The following ARID4B variants were observed in gnomAD, a reference collection of about 807,000 sequenced individuals.
ARID4B encodes AT-rich interactive domain-containing protein 4B.
In ARID4B, 26 loss-of-function variants were observed where a neutral mutation model predicts 147.5. That is an observed-to-expected ratio of 0.18 (90% CI 0.13 to 0.24). The LOEUF (loss-of-function observed/expected upper bound fraction) is 0.24. Among genes scored for constraint, ARID4B ranks in the 10% least tolerant of loss-of-function variants. The pLI is 1.00. For synonymous variants in ARID4B, 512 were observed against 507.9 expected (o/e 1.01, Z -0.11); for missense variants, 1,179 against 1,511.5 (o/e 0.78, Z 3.65).
intron 18 of ARID4B, among the ~76,000 whole-genome samples, chr1:235,194,529 T>C (rs1571943341): frequency 6.6e-6 from 1 of 152,066 alleles, no homozygotes; most frequent in East Asian, 1.9e-4. Flanking sequence ...AAATACTAAC[T>C]AAAAAAAGAG....
intron 19 of ARID4B, among the ~76,000 whole-genome samples, chr1:235,192,303 A>G (rs548712805): frequency 6.6e-6 from 1 of 152,142 alleles, no homozygotes; most frequent in Non-Finnish European, 1.5e-5. Flanking sequence ...AGGATTACAC[A>G]AAAGTCCAGA....
In ARID4B at chr1:235,182,736, A is replaced by G. The variant is rs757537051; in HGVS notation, c.2183T>C (p.Met728Thr). The change falls in exon 20 of 24, where the codon ATG becomes ACG. Residue 728 changes from methionine to threonine, a missense_variant. Around this residue, in one of 10 missense-constraint regions of ARID4B, gnomAD observed 321 missense variants for 342.4 expected, o/e 0.94. Transcript: ENST00000264183. ...AGATTCCTCTTTGCCATTATTATCC[A>G]TGTCTTGAGCACCTCTCTCATCTTC... ...EQEDERGAQD[M>T]DNNGKEESKI... 3 of 1,612,562 alleles carry G rather than the reference A, an allele frequency of 1.9e-6. No individual in the cohort carries two copies. The African/African-American group carries it at 4.0e-5, about 22-fold the overall frequency.
At chr1:235,302,179 AGCAAAAAAAAAC>A (rs1673214198) in intron 2 of ARID4B, among the ~76,000 whole-genome samples, 1 of 96,218 alleles carries the variant, frequency 1.0e-5, no homozygotes, top group African/African-American at 4.3e-5. Flanking sequence ...AAAAAAAAAC[AGCAAAAAAAAAC>A]AAAGAAACAA....
At chr1:235,174,798 C>CAG (rs995848793) in intron 22 of ARID4B, among the ~76,000 whole-genome samples, 1 of 151,126 alleles carries the variant, frequency 6.6e-6, no homozygotes, top group South Asian at 2.1e-4. Context: ...GCCTGGGCGA[C>CAG]AGAGAGACTC....
intron 17 of ARID4B, among the ~76,000 whole-genome samples, chr1:235,200,779 A>G (rs947982784): frequency 6.6e-6 from 1 of 152,226 alleles, no homozygotes; most frequent in Non-Finnish European, 1.5e-5. Context: ...GACATAATAG[A>G]TAAGAAAATA....
intron 2 of ARID4B, among the ~76,000 whole-genome samples, chr1:235,284,158 C>T (rs930450818): frequency 2.0e-5 from 3 of 152,040 alleles, no homozygotes; most frequent in African/African-American, 7.2e-5. Flanking sequence ...GGTCGGAGTT[C>T]GACACCAGCC....
At chr1:235,191,447 G>C (rs1163183084) in intron 19 of ARID4B, among the ~76,000 whole-genome samples, 1 of 151,782 alleles carries the variant, frequency 6.6e-6, no homozygotes, top group Non-Finnish European at 1.5e-5. Context: ...GTAGAGACAG[G>C]GTTTCACCAT....
chr1:235,277,594 TTGTGTGTGTGTGTGTG>T lies in ARID4B; in HGVS notation c.7-16858_7-16843del, dbSNP rs71576468. On this transcript the variant is annotated intron_variant, in intron 2 of 23. Coordinates refer to ENST00000264183, the MANE Select transcript of ARID4B (RefSeq NM_016374.6). Reference sequence around the variant, plus strand: ...ATGAGACCATTTTTAATGCCTTATATTGTGTGTGTGTGTGTGTGTGTGTGTGTGTGTGTGTGTGTGT... The same window carrying T: ...ATGAGACCATTTTTAATGCCTTATATTGTGTGTGTGTGTGTGTGTGTGTGT... Among the ~76,000 whole-genome samples the T allele has an allele frequency of 3.4e-3, 438 of 129,616 alleles. 2 individuals are homozygous for T. Among genetic ancestry groups the T allele is most frequent in the African/African-American group, 0.012 (386 of 32,884 alleles). The allele number at this position is 129,616 out of a possible 152,430, so 85.0% of individuals were successfully genotyped here. A position where few individuals can be genotyped will look rare whatever the true frequency, so the allele number is the denominator to read the frequency against.
intron 11 of ARID4B, among the ~76,000 whole-genome samples, chr1:235,226,527 A>ATTTT (rs1275162543): frequency 7.6e-6 from 1 of 131,306 alleles, no homozygotes. Context: ...CGCCCAGCTA[A>ATTTT]TTTTTTTTTT....
intron 2 of ARID4B, among the ~76,000 whole-genome samples, chr1:235,280,100 T>C (rs1474035945): frequency 1.3e-5 from 2 of 152,194 alleles, no homozygotes; most frequent in African/African-American, 4.8e-5. Context: ...GTGCTGGAAA[T>C]ATCCAACACA....
intron 7 of ARID4B, among the ~76,000 whole-genome samples, chr1:235,244,965 A>G (rs943451653): frequency 6.6e-6 from 1 of 152,206 alleles, no homozygotes; most frequent in Non-Finnish European, 1.5e-5. Context: ...AAGGCTTAAA[A>G]CGCCAAGCAA....
At chr1:235,294,912 C>G (rs1208966450) in intron 2 of ARID4B, among the ~76,000 whole-genome samples, 1 of 151,500 alleles carries the variant, frequency 6.6e-6, no homozygotes, top group East Asian at 1.9e-4. Flanking sequence ...GAAACCAAAA[C>G]CAAACTGAAG....
At chr1:235,269,050 A>G (rs1670802565) in intron 2 of ARID4B, among the ~76,000 whole-genome samples, 1 of 152,218 alleles carries the variant, frequency 6.6e-6, no homozygotes, top group Non-Finnish European at 1.5e-5. Context: ...TATGTATGTC[A>G]AACTGATCAA....
At position 235,327,841 on chromosome 1, in the gene ARID4B, G is replaced by C. The variant is rs1675446250; in HGVS notation, c.-122C>G. The C allele has an allele frequency of 6.5e-6, 1 of 152,752 alleles. No individual in the cohort carries two copies. Among genetic ancestry groups the C allele is most frequent in the African/African-American group, 2.4e-5 (1 of 41,586 alleles). 9.5% of individuals were successfully genotyped at this position (152,752 alleles called of 1,614,324 possible). A position where few individuals can be genotyped will look rare whatever the true frequency, so the allele number is the denominator to read the frequency against. ...CTCCTTCTCCCCCCCAAAACCAGCA[G>C]GCCCGGGGGAGAGATGGGGAAGAAG... On this transcript the variant is annotated 5_prime_UTR_variant, in exon 1 of 24. Transcript: ENST00000264183.
At chr1:235,277,126 G>C (rs1671367502) in intron 2 of ARID4B, among the ~76,000 whole-genome samples, 2 of 152,084 alleles carry the variant, frequency 1.3e-5, no homozygotes, top group African/African-American at 4.8e-5. Flanking sequence ...CACGCCTATG[G>C]TCCCAACCAT....
At chr1:235,229,184 C>G (rs1668042336) in intron 11 of ARID4B, 47 bp downstream of exon 11, 2 of 1,580,558 alleles carry the variant, frequency 1.3e-6, no homozygotes, top group African/African-American at 2.7e-5. Flanking sequence ...CAAGGGAAAC[C>G]CAACTGTTAT....
At position 235,167,142 on chromosome 1, in the gene ARID4B, T is replaced by G. The variant is rs1426043334; in HGVS notation, c.*1383A>C. The G allele has an allele frequency of 5.1e-6, 1 of 197,112 alleles. No individual in the cohort carries two copies. The highest frequency in any genetic ancestry group is 6.1e-5 in the Admixed American group (1 of 16,444). 12.2% of individuals were successfully genotyped at this position (197,112 alleles called of 1,614,324 possible). On this transcript the variant is annotated 3_prime_UTR_variant, in exon 24 of 24. Coordinates refer to ENST00000264183, the MANE Select transcript of ARID4B (RefSeq NM_016374.6). Reference sequence around the variant, plus strand: ...CACTACAAGACTGAAAATGCTTTTCTTAGAAAAGTTGAATGTAAAGGATTC... The same window carrying G: ...CACTACAAGACTGAAAATGCTTTTCGTAGAAAAGTTGAATGTAAAGGATTC...
intron 10 of ARID4B, 23 bp downstream of exon 10, chr1:235,231,090 A>G: frequency 6.6e-7 from 1 of 1,513,200 alleles, no homozygotes; most frequent in Admixed American, 2.1e-5. Flanking sequence ...AGTACTTGTA[A>G]TTTATTCCAA....
intron 23 of ARID4B, among the ~76,000 whole-genome samples, chr1:235,169,823 G>A (rs989748881): frequency 8.6e-5 from 13 of 151,834 alleles, no homozygotes; most frequent in African/African-American, 1.2e-4. Flanking sequence ...CACCATGTCC[G>A]GCTAATGTTT....
Sources: gnomAD v4.1 joint callset for allele counts (sites outside exome capture counted in the v4.1 genomes callset) on GRCh38, gnomAD v4.1.1 for gene constraint, gnomAD v4.1.1 regional missense constraint, MANE v1.5 for transcripts, NCBI Gene and HGNC (gene_info 2026-07-23, HGNC 2026-07-21) for gene names.